The following PLA2G4D variants were observed in gnomAD, a reference collection of about 807,000 sequenced individuals.
PLA2G4D encodes cytosolic phospholipase A2 delta.
A neutral mutation model predicts 94.4 loss-of-function variants in PLA2G4D; 80 were observed. The ratio of observed to expected loss-of-function variants is 0.85; its 90% confidence interval spans 0.71 to 1.02. The LOEUF (loss-of-function observed/expected upper bound fraction) is 1.02, where lower values mean the gene tolerates loss of function less well. PLA2G4D is among the 50% of genes least tolerant of loss of function. PLA2G4D has a pLI of 0.00. For missense variants in PLA2G4D, 1,050 were observed against 1,034.7 expected, an observed-to-expected ratio of 1.01 and a Z score of -0.20; for synonymous variants, 438 against 440.9, an observed-to-expected ratio of 0.99 and a Z score of 0.08.
chr15:42,094,329 T>C lies in PLA2G4D; in HGVS notation c.45+86A>G, dbSNP rs1890299138. On this transcript the variant is annotated intron_variant, in intron 1 of 19. Coordinates refer to ENST00000290472, the MANE Select transcript of PLA2G4D (RefSeq NM_178034.4). ...CCTCTGGCCCAGTCTGAAATCACCC[T>C]GATTCCAGCTATCACACTTCCCAGA... The C allele has an allele frequency of 3.4e-6, 5 of 1,473,962 alleles. No homozygotes were observed. The South Asian group carries it at 3.5e-5, about 10-fold the overall frequency. The allele number at this position is 1,473,962 out of a possible 1,614,324, so 91.3% of individuals were successfully genotyped here. A position where few individuals can be genotyped will look rare whatever the true frequency, so the allele number is the denominator to read the frequency against.
intron 1 of PLA2G4D, among the ~76,000 whole-genome samples, chr15:42,090,976 T>C (rs1171542282): frequency 2.0e-5 from 3 of 152,190 alleles, no homozygotes; most frequent in Non-Finnish European, 4.4e-5. Flanking sequence ...GCCTCCCCCT[T>C]TTTTCCAGTA....
At chr15:42,070,284 T>A (rs1003015963) in intron 18 of PLA2G4D, 189 bp from the exon 19 acceptor site, 2 of 582,054 alleles carry the variant, frequency 3.4e-6, no homozygotes, top group Non-Finnish European at 5.7e-6. Flanking sequence ...TGGTCTGCAA[T>A]GTTGTTTGGT....
chr15:42,071,237 C>A lies in PLA2G4D; in HGVS notation c.1762G>T (p.Ala588Ser), dbSNP rs771415719. The A allele has an allele frequency of 6.2e-7, 1 of 1,613,102 alleles. No individual in the cohort carries two copies. The highest frequency in any genetic ancestry group is 8.5e-7 in the Non-Finnish European group (1 of 1,179,776). Residue 588 changes from alanine (A) to serine (S), a missense_variant, in exon 17 of 20, where the codon GCA (alanine) becomes TCA (serine). Coordinates refer to ENST00000290472, the MANE Select transcript of PLA2G4D (RefSeq NM_178034.4). ...WLQPGTALAQ[A>S]FKGFLTGRPL... is the part of the protein sequence containing the mutation. ...CTGCCTGTCAGGAAGCCTTTAAATG[C>A]CTGGGCCAGCGCCGTGCCTGGCTGC...
At position 42,086,194 on chromosome 15, in the gene PLA2G4D, T is replaced by TGGGGGGGGGGGGGGGGGGGGG; in HGVS notation, c.387+18_387+19insCCCCCCCCCCCCCCCCCCCCC. 3.6e-6 allele frequency: 5 copies of TGGGGGGGGGGGGGGGGGGGGG among 1,370,434 alleles called. No homozygotes were observed. Among genetic ancestry groups the TGGGGGGGGGGGGGGGGGGGGG allele is most frequent in the Non-Finnish European group, 3.8e-6 (4 of 1,043,078 alleles). The allele number at this position is 1,370,434 out of a possible 1,614,324, so 84.9% of individuals were successfully genotyped here. On this transcript the variant is annotated intron_variant, in intron 4 of 19. Coordinates refer to ENST00000290472, the MANE Select transcript of PLA2G4D (RefSeq NM_178034.4). ...GGAAGAAGTGGGGCCCACGGGGACT[T>TGGGGGGGGGGGGGGGGGGGGG]CCCCACCCACCCACCCACCTGGGGA...
At position 42,083,767 on chromosome 15, in the gene PLA2G4D, A is replaced by G; in HGVS notation, c.484T>C (p.Ser162Pro). 6.2e-7 allele frequency: 1 copy of G among 1,613,860 alleles called. No homozygotes were observed. Among genetic ancestry groups the G allele is most frequent in the Non-Finnish European group, 8.5e-7 (1 of 1,179,992 alleles). ...CTGTCCAGATGCACATCCAGGCATG[A>G]CAGCTCTCGGGCCTGGGGAAGACCA... ...TNKVIVAREL[S>P]CLDVHLDSTG... The change falls in exon 7 of 20, where the codon TCA becomes CCA. Residue 162 changes from serine to proline, a missense_variant. Coordinates refer to ENST00000290472, the MANE Select transcript of PLA2G4D (RefSeq NM_178034.4).
At chr15:42,092,715 T>C (rs1890265396) in intron 1 of PLA2G4D, among the ~76,000 whole-genome samples, 1 of 152,170 alleles carries the variant, frequency 6.6e-6, no homozygotes, top group South Asian at 2.1e-4. Context: ...CCAGAGGCTC[T>C]GGGCCATCCT....
chr15:42,081,807 C>T lies in PLA2G4D; in HGVS notation c.811G>A (p.Ala271Thr). The change falls in exon 10 of 20, where the codon GCA becomes ACA. Residue 271 changes from alanine (A) to threonine (T), a missense_variant. By Grantham distance (58) the Ala-to-Thr change is moderately conservative. Coordinates refer to ENST00000290472, the MANE Select transcript of PLA2G4D (RefSeq NM_178034.4). ...NAPGVRLQLKAEGCPEELAVH... is the reference protein window; with the variant it reads ...NAPGVRLQLKTEGCPEELAVH... ...GTGAATGTCCCTTACCAGCCCTCTG[C>T]CTTGAGCTGCAGCCTCACTCCTGGG... The T allele has an allele frequency of 6.2e-7, 1 of 1,614,216 alleles. No homozygotes were observed. Among genetic ancestry groups the T allele is most frequent in the African/African-American group, 1.3e-5 (1 of 75,046 alleles).
rs1231988297 is a variant in PLA2G4D at position 42,070,029 on chromosome 15, G to A, written c.2110C>T (p.Pro704Ser). The change falls in exon 19 of 20, where the codon CCT becomes TCT. Residue 704 changes from proline (P) to serine (S), a missense_variant. Pro to Ser is a moderately conservative substitution (Grantham distance 74, BLOSUM62 -1). Coordinates refer to ENST00000290472, the MANE Select transcript of PLA2G4D (RefSeq NM_178034.4). ...TCCCTTGGCTGGTGCTGGTCCTGAGGGCTGGGTTCCACCCGGGGGAAGGGC... is the reference window on the plus strand; with the variant it reads ...TCCCTTGGCTGGTGCTGGTCCTGAGAGCTGGGTTCCACCCGGGGGAAGGGC... ...GLPFPRVEPSPQDQHQPRECH... is the reference protein window; with the variant it reads ...GLPFPRVEPSSQDQHQPRECH... 3 of 1,518,940 alleles carry A rather than the reference G, an allele frequency of 2.0e-6. No individual in the cohort carries two copies. The highest frequency in any genetic ancestry group is 2.6e-6 in the Non-Finnish European group (3 of 1,133,780). 94.1% of individuals were successfully genotyped at this position (1,518,940 alleles called of 1,614,324 possible).
At chr15:42,086,165 A>G (rs753265648) in intron 4 of PLA2G4D, 48 bp downstream of exon 4, 251 of 1,524,652 alleles carry the variant, frequency 1.6e-4, no homozygotes, top group Non-Finnish European at 2.0e-4. Context: ...CTCAGCTTGG[A>G]GTTGGAAGAA....
intron 19 of PLA2G4D, among the ~76,000 whole-genome samples, chr15:42,069,298 C>T (rs116665351): frequency 0.011 from 1,703 of 151,882 alleles, 29 homozygotes; most frequent in African/African-American, 0.039. Context: ...AAGGGGGCAG[C>T]GAGAACTTGC....
intron 11 of PLA2G4D, 88 bp downstream of exon 11, chr15:42,081,391 C>A: frequency 6.5e-7 from 1 of 1,542,924 alleles, no homozygotes; most frequent in Non-Finnish European, 8.7e-7. Context: ...TCTCCACTGA[C>A]TGGAGTTTCT....
At chr15:42,080,808 C>T (rs779732383) in intron 12 of PLA2G4D, among the ~76,000 whole-genome samples, 189 bp downstream of exon 12, 9 of 152,230 alleles carry the variant, frequency 5.9e-5, no homozygotes, top group African/African-American at 9.6e-5. Context: ...GCACCTCCTG[C>T]GCCGCCTCGC....
chr15:42,083,686 A>G (rs1242365284), intron 7 of PLA2G4D, 30 bp downstream of exon 7: 3 of 1,611,230 alleles, frequency 1.9e-6, no homozygotes, highest in Non-Finnish European at 2.5e-6. Flanking sequence ...ATCCAGGCAG[A>G]GTCCAGGCCT....
Position 42,087,690 on chromosome 15 carries a change from G to C in PLA2G4D, c.56C>G (p.Ser19Cys). 2 of 1,614,148 alleles carry C rather than the reference G, an allele frequency of 1.2e-6. No individual in the cohort carries two copies. Among genetic ancestry groups the C allele is most frequent in the Non-Finnish European group, 1.7e-6 (2 of 1,180,016 alleles). Residue 19 changes from serine (S) to cysteine (C), a missense_variant, in exon 2 of 20, where the codon TCT (serine) becomes TGT (cysteine). Physicochemically the swap from Ser to Cys is moderately radical, Grantham distance 112. Coordinates refer to ENST00000290472, the MANE Select transcript of PLA2G4D (RefSeq NM_178034.4). ...CCTCACTGTGAGCTGCCAGCAGGTAGAGGCCTCCCCCTGAAGAGAAAATCA... is the reference window on the plus strand; with the variant it reads ...CCTCACTGTGAGCTGCCAGCAGGTACAGGCCTCCCCCTGAAGAGAAAATCA... The part of the protein sequence containing the change: ...PPGHPYQGEA[S>C]TCWQLTVRVL...
intron 4 of PLA2G4D, 131 bp from the exon 5 acceptor site, chr15:42,085,662 A>C: frequency 1.1e-6 from 1 of 874,736 alleles, no homozygotes. Flanking sequence ...AATTATTTCC[A>C]ATTTATGGAT....
chr15:42,080,763 C>T (rs1319395831), intron 12 of PLA2G4D, among the ~76,000 whole-genome samples: 1 of 152,200 alleles, frequency 6.6e-6, no homozygotes, highest in African/African-American at 2.4e-5. Flanking sequence ...GCATCTGAGT[C>T]AGCTACCTCA....
In PLA2G4D at chr15:42,084,392, C is replaced by T. The variant is rs534735745; in HGVS notation, c.472-613G>A. Among the ~76,000 whole-genome samples the T allele has an allele frequency of 1.0e-3, 156 of 152,294 alleles. 1 individual carries two copies. The highest frequency in any genetic ancestry group is 1.5e-3 in the Non-Finnish European group (99 of 68,014). ...CTAAGAGGCAGTGCCATCGGCTTGA[C>T]TTTATTTTCATGTGTATTTTTAAAA... On this transcript the variant is annotated intron_variant, in intron 6 of 19. Transcript: ENST00000290472. The surrounding 1 kb of genome is among the most constrained non-coding windows in gnomAD (Gnocchi z 4.8).
intron 7 of PLA2G4D, 94 bp downstream of exon 7, chr15:42,083,622 T>G: frequency 6.9e-7 from 1 of 1,456,954 alleles, no homozygotes; most frequent in Non-Finnish European, 9.6e-7. Context: ...AGCTCTACCC[T>G]GCTGCTGGCC....
chr15:42,070,012 C>G lies in PLA2G4D; in HGVS notation c.2127G>C (p.Gln709His). ...CTGAGAAGAGGTGGCATTCCCTTGG[C>G]TGGTGCTGGTCCTGAGGGCTGGGTT... ...RVEPSPQDQH[Q>H]PRECHLFSDP... is the part of the protein sequence containing the mutation. Residue 709 changes from glutamine to histidine, a missense_variant, in exon 19 of 20, where the codon CAG becomes CAC. Transcript: ENST00000290472. The G allele has an allele frequency of 6.6e-7, 1 of 1,505,008 alleles. No homozygotes were observed. The highest frequency in any genetic ancestry group is 1.3e-5 in the South Asian group (1 of 76,634). 93.2% of individuals were successfully genotyped at this position (1,505,008 alleles called of 1,614,324 possible).
Sources: gnomAD v4.1 joint callset for allele counts (sites outside exome capture counted in the v4.1 genomes callset) on GRCh38, gnomAD v4.1.1 for gene constraint, Gnocchi (gnomAD v3.1) non-coding constraint, MANE v1.5 for transcripts, NCBI Gene and HGNC (gene_info 2026-07-23, HGNC 2026-07-21) for gene names.